Variants in NR5A2 observed in about 807,000 individuals in gnomAD.
The protein encoded by NR5A2 is CYP7A promoter-binding factor.
Under a neutral mutation model 62.7 loss-of-function variants are expected in NR5A2, and 26 were observed. The ratio of observed to expected loss-of-function variants is 0.41; its 90% CI spans 0.30 to 0.58. The LOEUF (loss-of-function observed/expected upper bound fraction) is 0.58. Ranked by LOEUF, NR5A2 falls within the 20% of genes least tolerant of loss-of-function variation. The pLI, the probability that NR5A2 is intolerant of heterozygous loss-of-function variation, is 0.22. For synonymous variants in NR5A2, 246 were observed against 241.7 expected (o/e 1.02, Z -0.16); for missense variants, 541 against 669.1 (o/e 0.81, Z 2.11).
chr1:200,130,501 C>T (rs1037529161), intron 7 of NR5A2, among the ~76,000 whole-genome samples: 1 of 152,194 alleles, frequency 6.6e-6, no homozygotes, highest in Non-Finnish European at 1.5e-5. Context: ...GTTCTTATCC[C>T]TTAGTTGACT....
intron 7 of NR5A2, among the ~76,000 whole-genome samples, chr1:200,127,709 A>ATAT (rs59916867): frequency 4.3e-5 from 1 of 23,188 alleles, no homozygotes; most frequent in Non-Finnish European, 7.1e-5. Flanking sequence ...AAAAAAAAAA[A>ATAT]ATATATATAT....
chr1:200,127,744 A>T (rs1666792039), intron 7 of NR5A2, among the ~76,000 whole-genome samples: 1 of 132,282 alleles, frequency 7.6e-6, no homozygotes, highest in Non-Finnish European at 1.6e-5. Context: ...TATCCATCAG[A>T]TGCAAAATCC....
chr1:200,043,617 T>C (rs1295569132), intron 2 of NR5A2, among the ~76,000 whole-genome samples, 157 bp from the exon 3 acceptor site: 1 of 152,248 alleles, frequency 6.6e-6, no homozygotes, highest in Non-Finnish European at 1.5e-5. Flanking sequence ...GTTTTACTTG[T>C]AAAAATAGTT....
At position 200,048,561 on chromosome 1, in the gene NR5A2, A is replaced by G; in HGVS notation, c.853A>G (p.Met285Val). 6.2e-7 allele frequency: 1 copy of G among 1,614,142 alleles called. No homozygotes were observed. The highest frequency in any genetic ancestry group is 8.5e-7 in the Non-Finnish European group (1 of 1,180,030). ...CTATACCAGCTCACCCGAGTCCATA[A>G]TGGGCTATTCATATATGGATAGTTA... ...DPYTSSPESI[M>V]GYSYMDSYQT... Residue 285 changes from methionine (M) to valine (V), a missense_variant, in exon 5 of 8, where the codon ATG (methionine) becomes GTG (valine). Around this residue, in one of 3 missense-constraint regions of NR5A2, gnomAD observed 379 missense variants for 442.0 expected, o/e 0.86. Transcript: ENST00000367362. The surrounding 1 kb of genome is among the most constrained non-coding windows in gnomAD (Gnocchi z 4.8).
At chr1:200,172,323 T>C (rs1654220154) in intron 7 of NR5A2, among the ~76,000 whole-genome samples, 1 of 152,176 alleles carries the variant, frequency 6.6e-6, no homozygotes, top group African/African-American at 2.4e-5. Flanking sequence ...TAAAATATAT[T>C]AAATAAGACA....
At chr1:200,073,815 G>A (rs1235238684) in intron 5 of NR5A2, among the ~76,000 whole-genome samples, 1 of 152,066 alleles carries the variant, frequency 6.6e-6, no homozygotes, top group Non-Finnish European at 1.5e-5. Flanking sequence ...TAAGCAGCAG[G>A]GATACGAAGT....
At chr1:200,034,783 C>CTTTTTTTTTTTTTTT (rs767393832) in intron 1 of NR5A2, among the ~76,000 whole-genome samples, 3 of 71,282 alleles carry the variant, frequency 4.2e-5, no homozygotes, top group African/African-American at 1.6e-4. Context: ...AGCAGAAAGG[C>CTTTTTTTTTTTTTTT]TTTTTTTTTT....
At chr1:200,064,142 C>G (rs1663363937) in intron 5 of NR5A2, among the ~76,000 whole-genome samples, 1 of 150,594 alleles carries the variant, frequency 6.6e-6, no homozygotes, top group South Asian at 2.1e-4. Context: ...GAGCGAGACT[C>G]CATCTCAAAA....
At chr1:200,142,185 CTTCTTTT>C (rs1368762299) in intron 7 of NR5A2, among the ~76,000 whole-genome samples, 21 of 86,616 alleles carry the variant, frequency 2.4e-4, no homozygotes, top group South Asian at 8.1e-4. Flanking sequence ...GTTTTAAAGA[CTTCTTTT>C]TTTTTTTTTT....
At chr1:200,098,477 T>G (rs1253590304) in intron 5 of NR5A2, among the ~76,000 whole-genome samples, 3 of 152,184 alleles carry the variant, frequency 2.0e-5, no homozygotes, top group Non-Finnish European at 4.4e-5. Flanking sequence ...AAAAAATAAC[T>G]TACAGAAAAA....
At chr1:200,155,246 G>C (rs1001621341) in intron 7 of NR5A2, among the ~76,000 whole-genome samples, 1 of 152,182 alleles carries the variant, frequency 6.6e-6, no homozygotes, top group Non-Finnish European at 1.5e-5. Flanking sequence ...ATAAACAGTT[G>C]TTCTGTGCAC....
intron 5 of NR5A2, among the ~76,000 whole-genome samples, chr1:200,052,684 C>T (rs1263325143): frequency 6.6e-6 from 1 of 151,994 alleles, no homozygotes; most frequent in Non-Finnish European, 1.5e-5. Context: ...CTTTGTCGCC[C>T]AGGTTGGAGT....
chr1:200,148,052 C>A, intron 7 of NR5A2: 1 of 298,676 alleles, frequency 3.3e-6, no homozygotes, highest in South Asian at 5.8e-5. Context: ...AGCGCACGGT[C>A]CCCATGCAGT....
In NR5A2 at chr1:200,113,176, T is replaced by G. The variant is rs145500133; in HGVS notation, c.1230+1855T>G. Among the ~76,000 whole-genome samples the G allele has an allele frequency of 3.3e-3, 504 of 152,208 alleles. 2 individuals carry two copies. Among genetic ancestry groups the G allele is most frequent in the African/African-American group, 0.012 (492 of 41,524 alleles). On this transcript the variant is annotated intron_variant, in intron 6 of 7. Coordinates refer to ENST00000367362, the MANE Select transcript of NR5A2 (RefSeq NM_205860.3). ...AATGAGGAACTCCATGGTGGAGAAA[T>G]AGTTATTTCCTTATATGTTTCCTGC...
At chr1:200,119,468 G>T (rs867950690) in intron 6 of NR5A2, among the ~76,000 whole-genome samples, 2 of 152,268 alleles carry the variant, frequency 1.3e-5, no homozygotes, top group Middle Eastern at 3.4e-3. Flanking sequence ...GAGCTCTCCA[G>T]TAAAAAAAGG....
intron 5 of NR5A2, among the ~76,000 whole-genome samples, chr1:200,063,173 G>A (rs940246379): frequency 1.8e-4 from 28 of 151,816 alleles, no homozygotes; most frequent in African/African-American, 6.8e-4. Context: ...ACAGGCGCAT[G>A]CCACCACACC....
chr1:200,100,686 T>C (rs1330327667), intron 5 of NR5A2, among the ~76,000 whole-genome samples: 1 of 152,236 alleles, frequency 6.6e-6, no homozygotes, highest in South Asian at 2.1e-4. Context: ...AAGAACACTC[T>C]CTGTGAGGCT....
chr1:200,037,709 C>G (rs144120759), intron 1 of NR5A2, among the ~76,000 whole-genome samples: 13 of 152,266 alleles, frequency 8.5e-5, no homozygotes, highest in South Asian at 8.3e-4. Context: ...AATGGACAGG[C>G]CTTCATAAGT....
At chr1:200,059,050 C>T (rs78054316) in intron 5 of NR5A2, among the ~76,000 whole-genome samples, 12,182 of 151,906 alleles carry the variant, frequency 0.08, 500 homozygotes, top group African/African-American at 0.11. Context: ...GCGGAGGTTG[C>T]AGTAAGCCAA....
Sources: allele counts gnomAD v4.1 joint callset (sites outside exome capture counted in the v4.1 genomes callset), GRCh38; gene constraint gnomAD v4.1.1; regional missense constraint gnomAD v4.1.1; non-coding constraint Gnocchi (gnomAD v3.1); transcripts MANE v1.5; gene names NCBI Gene and HGNC (gene_info 2026-07-23, HGNC 2026-07-21).